The following DOT1L variants were observed in gnomAD, a reference collection of about 807,000 sequenced individuals.
DOT1L encodes the protein DOT1 like histone lysine methyltransferase.
Under a neutral mutation model 153.3 loss-of-function variants are expected in DOT1L, and 33 were observed. The ratio of observed to expected loss-of-function variants is 0.22; its 90% CI spans 0.16 to 0.29. DOT1L has a LOEUF of 0.29. Ranked by LOEUF, DOT1L falls within the 10% of genes least tolerant of loss-of-function variation. The pLI, the probability that DOT1L is intolerant of heterozygous loss-of-function variation, is 1.00. For missense variants in DOT1L, 1,847 were observed against 2,119.9 expected, an observed-to-expected ratio of 0.87 and a Z score of 2.53; for synonymous variants, 1,135 against 965.1, an observed-to-expected ratio of 1.18 and a Z score of -3.26.
At position 2,164,171 on chromosome 19, in the gene DOT1L, C is replaced by T. The variant is rs762077016; in HGVS notation, c.-14C>T. The T allele has an allele frequency of 8.8e-7, 1 of 1,133,778 alleles. No homozygotes were observed. Among genetic ancestry groups the T allele is most frequent in the East Asian group, 4.7e-5 (1 of 21,478 alleles). 70.2% of individuals were successfully genotyped at this position (1,133,778 alleles called of 1,614,324 possible). A position where few individuals can be genotyped will look rare whatever the true frequency, so the allele number is the denominator to read the frequency against. On this transcript the variant is annotated 5_prime_UTR_variant, in exon 1 of 28. Transcript: ENST00000398665. ...CCGCCCGCCTAGCATGGTGCGGCGG[C>T]CGCGCGCGCGGACATGGGGGAGAAG...
At chr19:2,200,423 C>A (rs2023205018) in intron 8 of DOT1L, among the ~76,000 whole-genome samples, 1 of 152,212 alleles carries the variant, frequency 6.6e-6, no homozygotes, top group African/African-American at 2.4e-5. Flanking sequence ...GGCCTGGGAG[C>A]TCAGGGCACT....
chr19:2,193,073 T>C lies in DOT1L; in HGVS notation c.494-616T>C, dbSNP rs1390916319. On this transcript the variant is annotated intron_variant, in intron 5 of 27. Coordinates refer to ENST00000398665, the MANE Select transcript of DOT1L (RefSeq NM_032482.3). The surrounding 1 kb of genome is among the most constrained non-coding windows in gnomAD (Gnocchi z 5.9). Reference sequence around the variant, plus strand: ...GCTTGACACCCCCGGTGTGCGCCGCTGCCTCCACCCTCCTGACGCTGGCGT... The same window carrying C: ...GCTTGACACCCCCGGTGTGCGCCGCCGCCTCCACCCTCCTGACGCTGGCGT... Among the ~76,000 whole-genome samples, 1 of 152,144 alleles carries C rather than the reference T, an allele frequency of 6.6e-6. No individual in the cohort carries two copies. Among genetic ancestry groups the C allele is most frequent in the Non-Finnish European group, 1.5e-5 (1 of 68,040 alleles).
Position 2,230,959 on chromosome 19 carries a change from G to A in DOT1L, c.*1167G>A. On this transcript the variant is annotated 3_prime_UTR_variant, in exon 28 of 28. Transcript: ENST00000398665. ...GCTGTGGGTGTGCTGGGGCCAGGGT[G>A]CACTGCTGAAACCTGGCCTCTCTGG... The A allele has an allele frequency of 3.9e-6, 1 of 258,224 alleles. No individual in the cohort carries two copies. Among genetic ancestry groups the A allele is most frequent in the East Asian group, 5.7e-5 (1 of 17,526 alleles). 16.0% of individuals were successfully genotyped at this position (258,224 alleles called of 1,614,324 possible).
chr19:2,222,456 C>T lies in DOT1L; in HGVS notation c.3287C>T (p.Thr1096Met), dbSNP rs1251069640. The change falls in exon 24 of 28, where the codon ACG (threonine) becomes ATG (methionine). Residue 1096 changes from threonine (T) to methionine (M), a missense_variant. Physicochemically the swap from Thr to Met is moderately conservative, Grantham distance 81. This residue lies in a region of DOT1L where 934 missense variants were observed against 825.3 expected (regional missense o/e 1.13). Coordinates refer to ENST00000398665, the MANE Select transcript of DOT1L (RefSeq NM_032482.3). The surrounding 1 kb of genome is among the most constrained non-coding windows in gnomAD (Gnocchi z 6.5). ...RGRRKRASAG[T>M]PSLSAGVSPK... ...CGGCGGAAGCGAGCATCTGCGGGGACGCCCAGCTTGAGCGCAGGCGTGTCC... is the reference window on the plus strand; with the variant it reads ...CGGCGGAAGCGAGCATCTGCGGGGATGCCCAGCTTGAGCGCAGGCGTGTCC... 5 of 1,607,408 alleles carry T rather than the reference C, an allele frequency of 3.1e-6. No individual in the cohort carries two copies. Among genetic ancestry groups the T allele is most frequent in the Admixed American group, 1.7e-5 (1 of 59,820 alleles).
At chr19:2,202,882 G>A in intron 9 of DOT1L, 103 bp downstream of exon 9, 1 of 1,142,798 alleles carries the variant, frequency 8.8e-7, no homozygotes, top group Non-Finnish European at 1.3e-6. Flanking sequence ...TCAGACTTGG[G>A]GTCTTCAGTC....
At chr19:2,209,138 C>T (rs2023615428) in intron 12 of DOT1L, among the ~76,000 whole-genome samples, 162 bp downstream of exon 12, 1 of 152,150 alleles carries the variant, frequency 6.6e-6, no homozygotes, top group East Asian at 1.9e-4. Flanking sequence ...TCCTGCTCCT[C>T]CCCACTGTCA....
rs745382072 is a variant in DOT1L at position 2,190,999 on chromosome 19, C to T, written c.265-13C>T. The stretch of plus-strand genomic sequence containing the variant: ...GGTTTATGTGACATGGCCGGGCCAC[C>T]CTCCGTCCGCAGTGGAAGGGCACCA... On this transcript the variant is annotated splice_polypyrimidine_tract_variant and intron_variant, in intron 4 of 27. Transcript: ENST00000398665. This position sits in a 1 kb window ranked among gnomAD's most constrained non-coding sequence, Gnocchi z 4.8. 4 of 1,583,882 alleles carry T rather than the reference C, an allele frequency of 2.5e-6. No individual in the cohort carries two copies. The highest frequency in any genetic ancestry group is 2.7e-5 in the African/African-American group (2 of 74,310).
intron 12 of DOT1L, 72 bp from the exon 13 acceptor site, chr19:2,210,328 G>A (rs1175148940): frequency 3.6e-5 from 48 of 1,335,834 alleles, no homozygotes; most frequent in Admixed American, 2.3e-4. Flanking sequence ...TCTGAGCTCC[G>A]CGTGCCTCTC....
chr19:2,227,892 G>A lies in DOT1L; in HGVS notation c.4606+765G>A, dbSNP rs758779772. 3 of 1,262,618 alleles carry A rather than the reference G, an allele frequency of 2.4e-6. No individual in the cohort carries two copies. In the South Asian group the frequency reaches 3.8e-5, roughly 16 times the overall value. The allele number at this position is 1,262,618 out of a possible 1,614,324, so 78.2% of individuals were successfully genotyped here. A position where few individuals can be genotyped will look rare whatever the true frequency, so the allele number is the denominator to read the frequency against. ...TTCCTTTCAGGCCCCGGCCTCGGTT[G>A]AGACCCGGCCGCCCCCTCCGCCTCC... On this transcript the variant is annotated intron_variant, in intron 27 of 27. Coordinates refer to ENST00000398665, the MANE Select transcript of DOT1L (RefSeq NM_032482.3).
chr19:2,210,967 C>A, intron 14 of DOT1L, 112 bp downstream of exon 14: 1 of 1,465,924 alleles, frequency 6.8e-7, no homozygotes, highest in Non-Finnish European at 9.4e-7. Flanking sequence ...GTCCCTGGAG[C>A]CTCCCTGTTG....
intron 1 of DOT1L, among the ~76,000 whole-genome samples, chr19:2,177,250 C>G (rs1265477356): frequency 1.3e-5 from 2 of 152,190 alleles, no homozygotes; most frequent in Non-Finnish European, 2.9e-5. Flanking sequence ...AGGAAACGAC[C>G]AGGTGTGCTG....
chr19:2,215,042 T>C (rs943569974), intron 19 of DOT1L, among the ~76,000 whole-genome samples: 3 of 151,970 alleles, frequency 2.0e-5, no homozygotes, highest in African/African-American at 7.3e-5. Context: ...ACAGTGGGAC[T>C]CTGTCTCTAG....
intron 12 of DOT1L, among the ~76,000 whole-genome samples, chr19:2,209,431 T>C (rs906933615): frequency 2.6e-5 from 4 of 152,166 alleles, no homozygotes; most frequent in African/African-American, 9.7e-5. Context: ...GCTGGGTGGG[T>C]GAAAAGCTTG....
intron 8 of DOT1L, among the ~76,000 whole-genome samples, chr19:2,201,609 A>G (rs1259425406): frequency 1.3e-5 from 2 of 152,196 alleles, no homozygotes; most frequent in Non-Finnish European, 2.9e-5. Flanking sequence ...GTGTTCTGCC[A>G]TCTGGAGGGA....
intron 9 of DOT1L, among the ~76,000 whole-genome samples, chr19:2,203,206 A>G (rs1292829704): frequency 6.6e-6 from 1 of 152,168 alleles, no homozygotes; most frequent in Non-Finnish European, 1.5e-5. Flanking sequence ...GGGTTCAAGC[A>G]ATTCTGCCTC....
intron 3 of DOT1L, among the ~76,000 whole-genome samples, chr19:2,186,916 A>G (rs1185572444): frequency 1.3e-5 from 2 of 152,200 alleles, no homozygotes; most frequent in Admixed American, 6.5e-5. Context: ...GTGCAGATCA[A>G]CAGCCGCATG....
chr19:2,229,740 G>A (rs543650895), intron 27 of DOT1L, 45 bp from the exon 28 acceptor site: 11 of 1,612,248 alleles, frequency 6.8e-6, no homozygotes, highest in East Asian at 6.7e-5. Flanking sequence ...TCCCCCAGGC[G>A]CGATGGTAAC....
In DOT1L at chr19:2,163,982, C is replaced by A. The variant is rs1471488155; in HGVS notation, c.-203C>A. On this transcript the variant is annotated 5_prime_UTR_variant, in exon 1 of 28. Coordinates refer to ENST00000398665, the MANE Select transcript of DOT1L (RefSeq NM_032482.3). Reference sequence around the variant, plus strand: ...AAGATGGCGGAGGCGCTGGAGGCCCCGGGCCTGTGACTACAAAGAGGGAGT... The same window carrying A: ...AAGATGGCGGAGGCGCTGGAGGCCCAGGGCCTGTGACTACAAAGAGGGAGT... Among the ~76,000 whole-genome samples, 2 of 149,706 alleles carry A rather than the reference C, an allele frequency of 1.3e-5. No individual in the cohort carries two copies. The highest frequency in any genetic ancestry group is 4.8e-5 in the African/African-American group (2 of 41,272).
rs1258356413 is a variant in DOT1L, at chr19:2,207,533, T to C, written c.857-41T>C. 4.5e-6 allele frequency: 7 copies of C among 1,561,734 alleles called. No homozygotes were observed. Among genetic ancestry groups the C allele is most frequent in the Non-Finnish European group, 5.2e-6 (6 of 1,148,400 alleles). On this transcript the variant is annotated intron_variant, in intron 10 of 27. Coordinates refer to ENST00000398665, the MANE Select transcript of DOT1L (RefSeq NM_032482.3). This position sits in a 1 kb window ranked among gnomAD's most constrained non-coding sequence, Gnocchi z 4.5. ...GGGTGAGGTCTGCATGGAGGGGCTG[T>C]GGGCAGGCGCAGGCCCCGGCCTCAC...
Sources: allele counts gnomAD v4.1 joint callset (sites outside exome capture counted in the v4.1 genomes callset), GRCh38; gene constraint gnomAD v4.1.1; regional missense constraint gnomAD v4.1.1; non-coding constraint Gnocchi (gnomAD v3.1); transcripts MANE v1.5; gene names NCBI Gene and HGNC (gene_info 2026-07-23, HGNC 2026-07-21).